Variants in RNF182 observed in about 807,000 individuals in gnomAD.
RNF182 encodes the protein ring finger protein 182, also known as E3 ubiquitin-protein ligase RNF182.
A neutral mutation model predicts 14.4 loss-of-function variants in RNF182; 15 were observed. The observed-to-expected ratio is 1.04, with a 90% CI of 0.70 to 1.60. RNF182 has a LOEUF of 1.60. Ranked by LOEUF, RNF182 falls within the 40% of genes most tolerant of loss-of-function variation. The pLI, the probability that RNF182 is intolerant of heterozygous loss-of-function variation, is 0.00. For synonymous variants in RNF182, 128 were observed against 122.9 expected, an observed-to-expected ratio of 1.04 and a Z score of -0.27; for missense variants, 268 against 294.8, an observed-to-expected ratio of 0.91 and a Z score of 0.67.
In RNF182 at chr6:13,977,214, G is replaced by A. The variant is rs1390039600; in HGVS notation, c.95G>A (p.Arg32Lys). The part of the protein sequence containing the change: ...ICYNRYNLKQ[R>K]KPKVLECCHR... Reference sequence around the variant, plus strand: ...TACAATCGATACAATCTGAAACAGAGGAAACCCAAAGTGCTGGAGTGTTGT... The same window carrying A: ...TACAATCGATACAATCTGAAACAGAAGAAACCCAAAGTGCTGGAGTGTTGT... Residue 32 changes from arginine to lysine, a missense_variant, in exon 3 of 3, where the codon AGG becomes AAG. Arg to Lys is a conservative substitution (Grantham distance 26). Coordinates refer to ENST00000488300, the MANE Select transcript of RNF182 (RefSeq NM_152737.4). The A allele has an allele frequency of 6.2e-7, 1 of 1,614,158 alleles. No individual in the cohort carries two copies. The highest frequency in any genetic ancestry group is 1.1e-5 in the South Asian group (1 of 91,078).
chr6:13,954,281 A>T (rs1302247992), intron 1 of RNF182, among the ~76,000 whole-genome samples: 3 of 152,236 alleles, frequency 2.0e-5, no homozygotes, highest in Non-Finnish European at 4.4e-5. Flanking sequence ...CCAGAAAACA[A>T]TTGCAGAGTA....
At chr6:13,949,497 G>T in intron 1 of RNF182, 2 of 571,016 alleles carry the variant, frequency 3.5e-6, no homozygotes, top group Non-Finnish European at 3.2e-6. Flanking sequence ...AAAAAATTAC[G>T]GAAAAAGACA....
chr6:13,926,789 G>C (rs1486186171), intron 1 of RNF182, among the ~76,000 whole-genome samples: 1 of 136,518 alleles, frequency 7.3e-6, no homozygotes, highest in Non-Finnish European at 1.5e-5. Context: ...GTGTGTGTGT[G>C]TGTTTTTTTT....
intron 1 of RNF182, among the ~76,000 whole-genome samples, chr6:13,933,573 CTAATA>C (rs1457550244): frequency 1.3e-5 from 2 of 151,668 alleles, no homozygotes; most frequent in African/African-American, 4.8e-5. Context: ...TTTATTTAAC[CTAATA>C]TATCAAAATT....
chr6:13,966,914 G>T lies in RNF182; in HGVS notation c.-366-7296G>T, dbSNP rs1345063056. On this transcript the variant is annotated intron_variant, in intron 1 of 2. Transcript: ENST00000488300. ...TGCAGTGGTGCAATCATAGCTTACT[G>T]CAGCCTCGGCCTCCTGGACTCAAGT... 2.0e-5 allele frequency among the ~76,000 whole-genome samples: 3 copies of T among 152,200 alleles called. No individual in the cohort carries two copies. In the East Asian group the frequency reaches 5.8e-4, roughly 29 times the overall value.
chr6:13,959,001 C>T (rs1759798420), intron 1 of RNF182, among the ~76,000 whole-genome samples: 1 of 152,192 alleles, frequency 6.6e-6, no homozygotes, highest in South Asian at 2.1e-4. Context: ...TCCTATCTTG[C>T]CATGTGATCT....
At chr6:13,963,519 CTCAT>C (rs1384950605) in intron 1 of RNF182, among the ~76,000 whole-genome samples, 4 of 152,188 alleles carry the variant, frequency 2.6e-5, no homozygotes, top group Middle Eastern at 3.2e-3. Context: ...CATGGTGCTA[CTCAT>C]TCAAACAGGT....
In RNF182 at chr6:13,977,509, C is replaced by T. The variant is rs374399910; in HGVS notation, c.390C>T (p.Val130=). The part of the protein sequence containing the change: ...SPSHTSSNCL[V]ITIMEVQRES... The stretch of plus-strand genomic sequence containing the variant: ...CTCACACGTCCTCCAACTGCCTGGT[C>T]ATAACCATCATGGAGGTGCAGAGAG... The change falls in exon 3 of 3, where the codon GTC becomes GTT. Residue 130 remains valine, a synonymous_variant. Transcript: ENST00000488300. 1 of 1,614,208 alleles carries T rather than the reference C, an allele frequency of 6.2e-7. No individual in the cohort carries two copies. Among genetic ancestry groups the T allele is most frequent in the Non-Finnish European group, 8.5e-7 (1 of 1,180,026 alleles).
At chr6:13,970,131 G>A (rs1346338653) in intron 1 of RNF182, among the ~76,000 whole-genome samples, 1 of 152,108 alleles carries the variant, frequency 6.6e-6, no homozygotes, top group East Asian at 1.9e-4. Flanking sequence ...CACCTTAACT[G>A]TTTATTATTT....
intron 1 of RNF182, among the ~76,000 whole-genome samples, chr6:13,937,334 C>A (rs1376652585): frequency 6.6e-6 from 1 of 152,128 alleles, no homozygotes; most frequent in African/African-American, 2.4e-5. Context: ...ATTACCTGCC[C>A]CCAAAGGTGA....
intron 1 of RNF182, among the ~76,000 whole-genome samples, chr6:13,938,422 CTT>C (rs1418996273): frequency 6.6e-6 from 1 of 151,978 alleles, no homozygotes; most frequent in Non-Finnish European, 1.5e-5. Context: ...GCTTTTAACT[CTT>C]ATAATTTTTC....
At chr6:13,936,597 A>T (rs1382645518) in intron 1 of RNF182, among the ~76,000 whole-genome samples, 1 of 152,238 alleles carries the variant, frequency 6.6e-6, no homozygotes, top group African/African-American at 2.4e-5. Flanking sequence ...TAATGACTCA[A>T]AGATGAACAA....
At chr6:13,944,835 TG>T (rs1446161025) in intron 1 of RNF182, among the ~76,000 whole-genome samples, 1 of 152,156 alleles carries the variant, frequency 6.6e-6, no homozygotes, top group Non-Finnish European at 1.5e-5. Flanking sequence ...CCAACCCAGA[TG>T]TTTTTGACTT....
intron 1 of RNF182, among the ~76,000 whole-genome samples, chr6:13,964,858 G>A (rs1374947694): frequency 6.6e-6 from 1 of 152,154 alleles, no homozygotes; most frequent in East Asian, 1.9e-4. Flanking sequence ...TGCGTCCTTT[G>A]GAGCAGGAGA....
chr6:13,966,942 G>A (rs1028317574), intron 1 of RNF182, among the ~76,000 whole-genome samples: 2 of 151,978 alleles, frequency 1.3e-5, no homozygotes, highest in Admixed American at 1.3e-4. Context: ...ACTCAAGTGA[G>A]CCTCCCATCT....
intron 1 of RNF182, among the ~76,000 whole-genome samples, chr6:13,946,550 T>C (rs192862902): frequency 6.7e-4 from 102 of 152,286 alleles, no homozygotes; most frequent in African/African-American, 1.9e-3. Flanking sequence ...ATTTCCTGGG[T>C]TTGTTAAGTC....
chr6:13,939,859 A>G (rs959929370), intron 1 of RNF182, among the ~76,000 whole-genome samples: 6 of 152,202 alleles, frequency 3.9e-5, no homozygotes, highest in African/African-American at 1.2e-4. Flanking sequence ...GCATTTTTGT[A>G]TCTTGACCTT....
Position 13,943,394 on chromosome 6 carries a change from T to G in RNF182, c.-367+18371T>G, listed in dbSNP as rs1050181209. Among the ~76,000 whole-genome samples the G allele has an allele frequency of 2.0e-5, 3 of 152,118 alleles. No individual in the cohort carries two copies. The South Asian group carries it at 6.2e-4, about 32-fold the overall frequency. On this transcript the variant is annotated intron_variant, in intron 1 of 2. Coordinates refer to ENST00000488300, the MANE Select transcript of RNF182 (RefSeq NM_152737.4). ...CCTCAGCCTTCCAAAGTGATAGGAT[T>G]AGAGGCCTGAGCCACTGTGCCTGGC... is the stretch of plus-strand genomic sequence containing the variant.
intron 1 of RNF182, among the ~76,000 whole-genome samples, chr6:13,958,143 G>A (rs890487687): frequency 6.6e-6 from 1 of 151,854 alleles, no homozygotes; most frequent in African/African-American, 2.4e-5. Flanking sequence ...TTTATAATCT[G>A]TTGGGAGGCC....
Sources: allele counts gnomAD v4.1 joint callset (sites outside exome capture counted in the v4.1 genomes callset), GRCh38; gene constraint gnomAD v4.1.1; transcripts MANE v1.5; gene names NCBI Gene and HGNC (gene_info 2026-07-23, HGNC 2026-07-21).